The following JRK variants were observed in gnomAD, a reference collection of about 807,000 sequenced individuals.
The protein encoded by JRK is Jrk helix-turn-helix protein.
For synonymous variants in JRK, 303 were observed against 218.1 expected, an observed-to-expected ratio of 1.39 and a Z score of -3.43; for missense variants, 720 against 509.2, an observed-to-expected ratio of 1.41 and a Z score of -3.98.
Position 142,664,868 on chromosome 8 carries a change from A to AGAG in JRK, c.1188_1190dup (p.Ser397dup). On this transcript the variant is annotated inframe_insertion, in exon 2 of 2. Coordinates refer to ENST00000612905, the MANE Select transcript of JRK (RefSeq NM_003724.4). Reference sequence around the variant, plus strand: ...AGCACTCTGCCTCCAACTCCTCCTCAGAGGAGGAGCCTTCGGCAAACGCAA... The same window carrying AGAG: ...AGCACTCTGCCTCCAACTCCTCCTCAGAGGAGGAGGAGCCTTCGGCAAACGCAA... 7.0e-7 allele frequency: 1 copy of AGAG among 1,431,886 alleles called. No individual in the cohort carries two copies. The highest frequency in any genetic ancestry group is 9.8e-7 in the Non-Finnish European group (1 of 1,017,338). 88.7% of individuals were successfully genotyped at this position (1,431,886 alleles called of 1,614,324 possible).
At chr8:142,668,831 G>A (rs1847215738) in intron 1 of JRK, among the ~76,000 whole-genome samples, 1 of 151,732 alleles carries the variant, frequency 6.6e-6, no homozygotes, top group African/African-American at 2.4e-5. Flanking sequence ...CAGGCATGGA[G>A]ACGTGTCCAC....
chr8:142,661,466 A>C lies in JRK; in HGVS notation c.*2886T>G. ...ACCCCAAAGATGAAGGCAGTGGTGG[A>C]AAGAGGTTCTATTAGCAGGCTGGAA... On this transcript the variant is annotated 3_prime_UTR_variant, in exon 2 of 2. Coordinates refer to ENST00000612905, the MANE Select transcript of JRK (RefSeq NM_003724.4). The C allele has an allele frequency of 1.0e-6, 1 of 985,510 alleles. No individual in the cohort carries two copies. Among genetic ancestry groups the C allele is most frequent in the South Asian group, 4.7e-5 (1 of 21,288 alleles). 61.0% of individuals were successfully genotyped at this position (985,510 alleles called of 1,614,324 possible).
Position 142,659,863 on chromosome 8 carries a change from A to G in JRK, c.*4489T>C, listed in dbSNP as rs2129698918. 1 of 985,620 alleles carries G rather than the reference A, an allele frequency of 1.0e-6. No homozygotes were observed. Among genetic ancestry groups the G allele is most frequent in the African/African-American group, 1.7e-5 (1 of 57,358 alleles). 61.1% of individuals were successfully genotyped at this position (985,620 alleles called of 1,614,324 possible). On this transcript the variant is annotated 3_prime_UTR_variant, in exon 2 of 2. Coordinates refer to ENST00000612905, the MANE Select transcript of JRK (RefSeq NM_003724.4). Reference sequence around the variant, plus strand: ...TCACACCTGCCCCTCCCTGGGCCCCAGTCTCATCCCTAAACAGGAGTGACC... The same window carrying G: ...TCACACCTGCCCCTCCCTGGGCCCCGGTCTCATCCCTAAACAGGAGTGACC...
At chr8:142,667,070 C>T (rs587616260) in intron 1 of JRK, among the ~76,000 whole-genome samples, 1 of 152,332 alleles carries the variant, frequency 6.6e-6, no homozygotes, top group South Asian at 2.1e-4. Flanking sequence ...TCTCTAAACT[C>T]CTCTCTCCGA....
In JRK at chr8:142,658,687, T is replaced by A; in HGVS notation, c.*5665A>T. On this transcript the variant is annotated 3_prime_UTR_variant, in exon 2 of 2. Transcript: ENST00000612905. Reference sequence around the variant, plus strand: ...CCTCCTAATACCACCCTCCTGGGGGTCAGGGTTTCAACATATAAACTTTGG... The same window carrying A: ...CCTCCTAATACCACCCTCCTGGGGGACAGGGTTTCAACATATAAACTTTGG... 1 of 1,231,678 alleles carries A rather than the reference T, an allele frequency of 8.1e-7. No homozygotes were observed. The allele number at this position is 1,231,678 out of a possible 1,614,324, so 76.3% of individuals were successfully genotyped here. A position where few individuals can be genotyped will look rare whatever the true frequency, so the allele number is the denominator to read the frequency against.
rs2976401 is a variant in JRK, at chr8:142,662,089, G to C, written c.*2263C>G. ...GCCACAAGGGCTGCACCTAGAGTCA[G>C]GCTCCAGGCCTTGCTGCAGTTGGTC... On this transcript the variant is annotated 3_prime_UTR_variant, in exon 2 of 2. Coordinates refer to ENST00000612905, the MANE Select transcript of JRK (RefSeq NM_003724.4). The C allele has an allele frequency of 6.6e-4, 647 of 985,614 alleles. 1 individual carries two copies. The African/African-American group carries it at 0.01, about 16-fold the overall frequency. 61.1% of individuals were successfully genotyped at this position (985,614 alleles called of 1,614,324 possible).
the JRK span, among the ~76,000 whole-genome samples, chr8:142,650,733 G>C: frequency 6.6e-6 from 1 of 152,052 alleles, no homozygotes; most frequent in Non-Finnish European, 1.5e-5. Context: ...GCCCAGTTTC[G>C]GGCATGTCTT....
chr8:142,662,622 G>A lies in JRK; in HGVS notation c.*1730C>T. ...ATCTTCACACATGCATTCAAAGCAAGAAACACACACTTCCAGGACATAGAT... is the reference window on the plus strand; with the variant it reads ...ATCTTCACACATGCATTCAAAGCAAAAAACACACACTTCCAGGACATAGAT... On this transcript the variant is annotated 3_prime_UTR_variant, in exon 2 of 2. Transcript: ENST00000612905. 7.1e-6 allele frequency: 7 copies of A among 985,348 alleles called. No individual in the cohort carries two copies. Among genetic ancestry groups the A allele is most frequent in the Non-Finnish European group, 8.4e-6 (7 of 829,922 alleles). The allele number at this position is 985,348 out of a possible 1,614,324, so 61.0% of individuals were successfully genotyped here. A position where few individuals can be genotyped will look rare whatever the true frequency, so the allele number is the denominator to read the frequency against.
chr8:142,664,285 C>T lies in JRK; in HGVS notation c.*67G>A, dbSNP rs1563793610. On this transcript the variant is annotated 3_prime_UTR_variant, in exon 2 of 2. Transcript: ENST00000612905. ...TCCTGCCTCAGGTGGGGTCGGGGCA[C>T]AGGACCATGCCACTCCAGGGTGTGG... 6.7e-7 allele frequency: 1 copy of T among 1,483,160 alleles called. No individual in the cohort carries two copies. The highest frequency in any genetic ancestry group is 9.0e-7 in the Non-Finnish European group (1 of 1,115,902). 91.9% of individuals were successfully genotyped at this position (1,483,160 alleles called of 1,614,324 possible). A position where few individuals can be genotyped will look rare whatever the true frequency, so the allele number is the denominator to read the frequency against.
chr8:142,650,173 A>C, the JRK span, among the ~76,000 whole-genome samples: 1 of 152,238 alleles, frequency 6.6e-6, no homozygotes, highest in Admixed American at 6.5e-5. Flanking sequence ...TCCCATTTGA[A>C]ATGGCTGTAT....
At chr8:142,668,236 G>C (rs1847194140) in intron 1 of JRK, among the ~76,000 whole-genome samples, 1 of 152,240 alleles carries the variant, frequency 6.6e-6, no homozygotes, top group Non-Finnish European at 1.5e-5. Context: ...CAGAAACGCA[G>C]CCCTTTGAGG....
chr8:142,659,138 C>A lies in JRK; in HGVS notation c.*5214G>T. The A allele has an allele frequency of 7.4e-7, 1 of 1,343,768 alleles. No homozygotes were observed. Among genetic ancestry groups the A allele is most frequent in the South Asian group, 1.7e-5 (1 of 57,964 alleles). The allele number at this position is 1,343,768 out of a possible 1,614,324, so 83.2% of individuals were successfully genotyped here. ...AGGCTGGCCAGGTGCCAAGTCCCAG[C>A]TCAAGCCTGGCAGCTCCTCCCACTG... On this transcript the variant is annotated 3_prime_UTR_variant, in exon 2 of 2. Transcript: ENST00000612905.
At chr8:142,646,625 CTAA>C in the JRK span, among the ~76,000 whole-genome samples, 5,346 of 151,576 alleles carry the variant, frequency 0.035, 116 homozygotes, top group Non-Finnish European at 0.053. Flanking sequence ...CAAGACATTT[CTAA>C]TATTACTTTA....
Position 142,664,568 on chromosome 8 carries a change from G to C in JRK, c.1491C>G (p.Val497=). 6.2e-7 allele frequency: 1 copy of C among 1,608,614 alleles called. No homozygotes were observed. The highest frequency in any genetic ancestry group is 1.1e-5 in the South Asian group (1 of 90,298). Residue 497 remains valine, a synonymous_variant, in exon 2 of 2, where the codon GTC becomes GTG. Transcript: ENST00000612905. ...ATGGCTGCCGCTCCGCAAAGCGCAGGACTGCGTCAAAGGCCACGGCCGCCT... is the reference window on the plus strand; with the variant it reads ...ATGGCTGCCGCTCCGCAAAGCGCAGCACTGCGTCAAAGGCCACGGCCGCCT... The part of the protein sequence containing the change: ...WEQAAVAFDA[V]LRFAERQPCF...
At chr8:142,650,396 G>A in the JRK span, among the ~76,000 whole-genome samples, 34 of 152,264 alleles carry the variant, frequency 2.2e-4, no homozygotes, top group East Asian at 1.4e-3. Context: ...GGGAGGGGCC[G>A]GGGGTGGAAT....
chr8:142,659,043 A>T lies in JRK; in HGVS notation c.*5309T>A. Reference sequence around the variant, plus strand: ...CTCTGCCAGGGAGAATGGTGGAGGAAGAATGGATTCCTAGTGTATTTTTTC... The same window carrying T: ...CTCTGCCAGGGAGAATGGTGGAGGATGAATGGATTCCTAGTGTATTTTTTC... On this transcript the variant is annotated 3_prime_UTR_variant, in exon 2 of 2. Coordinates refer to ENST00000612905, the MANE Select transcript of JRK (RefSeq NM_003724.4). The T allele has an allele frequency of 6.8e-7, 1 of 1,469,838 alleles. No homozygotes were observed. The highest frequency in any genetic ancestry group is 9.1e-7 in the Non-Finnish European group (1 of 1,104,792). 91.0% of individuals were successfully genotyped at this position (1,469,838 alleles called of 1,614,324 possible).
Position 142,663,829 on chromosome 8 carries a change from G to C in JRK, c.*523C>G, listed in dbSNP as rs782351149. On this transcript the variant is annotated 3_prime_UTR_variant, in exon 2 of 2. Transcript: ENST00000612905. ...GGCCAAGAACTGAGTCCCAGCTCTC[G>C]GGCCATCGGACCTCAGGCAACCGTG... 2.0e-6 allele frequency: 2 copies of C among 986,580 alleles called. No individual in the cohort carries two copies. Among genetic ancestry groups the C allele is most frequent in the Non-Finnish European group, 2.4e-6 (2 of 830,886 alleles). The allele number at this position is 986,580 out of a possible 1,614,324, so 61.1% of individuals were successfully genotyped here.
At position 142,659,246 on chromosome 8, in the gene JRK, G is replaced by A. The variant is rs1444979056; in HGVS notation, c.*5106C>T. 1 of 1,104,160 alleles carries A rather than the reference G, an allele frequency of 9.1e-7. No homozygotes were observed. The highest frequency in any genetic ancestry group is 1.1e-6 in the Non-Finnish European group (1 of 902,504). 68.4% of individuals were successfully genotyped at this position (1,104,160 alleles called of 1,614,324 possible). A position where few individuals can be genotyped will look rare whatever the true frequency, so the allele number is the denominator to read the frequency against. Reference sequence around the variant, plus strand: ...ACCCAAGACCTCGAGAGAGGAAATGGGCCCAGGGACATGCCTTGGCTTGGG... The same window carrying A: ...ACCCAAGACCTCGAGAGAGGAAATGAGCCCAGGGACATGCCTTGGCTTGGG... On this transcript the variant is annotated 3_prime_UTR_variant, in exon 2 of 2. Transcript: ENST00000612905.
Position 142,661,053 on chromosome 8 carries a change from G to C in JRK, c.*3299C>G. On this transcript the variant is annotated 3_prime_UTR_variant, in exon 2 of 2. Coordinates refer to ENST00000612905, the MANE Select transcript of JRK (RefSeq NM_003724.4). ...CCACTGGATAAGAACAGTGGCCTGC[G>C]ACGTCAGGGGCAGTCCAGGTGCTCT... 1.0e-6 allele frequency: 1 copy of C among 985,374 alleles called. No individual in the cohort carries two copies. The highest frequency in any genetic ancestry group is 1.2e-6 in the Non-Finnish European group (1 of 829,914). The allele number at this position is 985,374 out of a possible 1,614,324, so 61.0% of individuals were successfully genotyped here. A position where few individuals can be genotyped will look rare whatever the true frequency, so the allele number is the denominator to read the frequency against.
Sources: allele counts gnomAD v4.1 joint callset (sites outside exome capture counted in the v4.1 genomes callset), GRCh38; gene constraint gnomAD v4.1.1; transcripts MANE v1.5; gene names NCBI Gene and HGNC (gene_info 2026-07-23, HGNC 2026-07-21).